The following DNAH3 variants were observed in gnomAD, a reference collection of about 807,000 sequenced individuals.
The protein encoded by DNAH3 is axonemal beta dynein heavy chain 3.
DNAH3 carries 332 observed loss-of-function variants against 432.5 expected under a neutral mutation model. That is an observed-to-expected ratio of 0.77 (90% CI 0.70 to 0.84). The LOEUF is 0.84. Ranked by LOEUF, DNAH3 falls within the 40% of genes least tolerant of loss-of-function variation. DNAH3 has a pLI of 0.00. For synonymous variants in DNAH3, 1,956 were observed against 1,900.2 expected (o/e 1.03, Z -0.76); for missense variants, 4,861 against 5,114.0 (o/e 0.95, Z 1.51).
At chr16:20,973,491 G>T (rs2085438655) in intron 51 of DNAH3, among the ~76,000 whole-genome samples, 1 of 152,104 alleles carries the variant, frequency 6.6e-6, no homozygotes, top group Non-Finnish European at 1.5e-5. Flanking sequence ...GACCTCAAGT[G>T]ATCTGCCCAC....
At chr16:20,942,983 C>T (rs1486064202) in intron 58 of DNAH3, among the ~76,000 whole-genome samples, 1 of 152,030 alleles carries the variant, frequency 6.6e-6, no homozygotes, top group Non-Finnish European at 1.5e-5. Flanking sequence ...ATCACAGCCT[C>T]GTGATCACAG....
At chr16:21,127,150 C>T (rs868574165) in intron 8 of DNAH3, among the ~76,000 whole-genome samples, 1 of 151,650 alleles carries the variant, frequency 6.6e-6, no homozygotes, top group Non-Finnish European at 1.5e-5. Context: ...CTAAAGGATT[C>T]GAGGAGGAGG....
chr16:21,039,996 G>C, intron 32 of DNAH3, 53 bp from the exon 33 acceptor site: 1 of 1,407,580 alleles, frequency 7.1e-7, no homozygotes, highest in Non-Finnish European at 1.0e-6. Context: ...AATACTGAGG[G>C]AACGCACATT....
At chr16:21,057,465 A>G (rs1376924367) in intron 27 of DNAH3, among the ~76,000 whole-genome samples, 2 of 152,170 alleles carry the variant, frequency 1.3e-5, no homozygotes, top group East Asian at 3.8e-4. Flanking sequence ...GTGTTGTGAC[A>G]ATTCCTTGCA....
chr16:21,132,924 A>G (rs2092587996), intron 7 of DNAH3, among the ~76,000 whole-genome samples: 1 of 152,044 alleles, frequency 6.6e-6, no homozygotes, highest in South Asian at 2.1e-4. Context: ...AAGAATGAAA[A>G]AAGGTGGCTT....
At chr16:21,015,058 C>G (rs781315470) in intron 41 of DNAH3, among the ~76,000 whole-genome samples, 1 of 152,294 alleles carries the variant, frequency 6.6e-6, no homozygotes, top group Non-Finnish European at 1.5e-5. Flanking sequence ...CCAGCAATAG[C>G]ATGTCTATGT....
At chr16:21,041,763 C>T (rs970251052) in intron 32 of DNAH3, among the ~76,000 whole-genome samples, 2 of 152,186 alleles carry the variant, frequency 1.3e-5, no homozygotes, top group East Asian at 1.9e-4. Flanking sequence ...CTGCCTCCCA[C>T]ATTCAACTGA....
chr16:21,128,711 G>A (rs1460513751), intron 7 of DNAH3, among the ~76,000 whole-genome samples: 3 of 147,470 alleles, frequency 2.0e-5, no homozygotes, highest in East Asian at 4.0e-4. Flanking sequence ...AAAAATAGAC[G>A]CGCTGGGTGT....
rs72780851 is a variant in DNAH3 at position 21,076,519 on chromosome 16, C to T, written c.2970-958G>A. The stretch of plus-strand genomic sequence containing the variant: ...GCTCCTGCACTAGACCCCAGCAGAC[C>T]AGACCAAACCAAAATGGAGTCACTC... On this transcript the variant is annotated intron_variant, in intron 20 of 61. Coordinates refer to ENST00000261383, the Ensembl canonical transcript of DNAH3. 9.1e-3 allele frequency among the ~76,000 whole-genome samples: 1,387 copies of T among 152,224 alleles called. 9 individuals carry two copies. The highest frequency in any genetic ancestry group is 0.015 in the Non-Finnish European group (1,002 of 68,024).
At chr16:21,047,912 C>G (rs201609288) in intron 31 of DNAH3, among the ~76,000 whole-genome samples, 1 of 151,682 alleles carries the variant, frequency 6.6e-6, no homozygotes, top group African/African-American at 2.4e-5. Flanking sequence ...CCCTCAGCTG[C>G]AGGTCTGTTG....
intron 15 of DNAH3, among the ~76,000 whole-genome samples, chr16:21,106,093 T>C (rs2091938610): frequency 2.7e-5 from 4 of 150,778 alleles, no homozygotes; most frequent in Non-Finnish European, 5.9e-5. Context: ...GGCAGGAGAA[T>C]TGCTTGAACC....
At chr16:21,134,422 T>G in exon 7 of DNAH3, 5 of 1,614,158 alleles carry the variant, frequency 3.1e-6, no homozygotes, top group Non-Finnish European at 4.2e-6. Context: ...AAGAGCCGTT[T>G]TCTCTCCATT....
intron 21 of DNAH3, among the ~76,000 whole-genome samples, chr16:21,072,840 TTAC>T (rs769200745): frequency 1.6e-4 from 22 of 134,536 alleles, no homozygotes; most frequent in African/African-American, 4.5e-4. Context: ...ATTATTATTA[TTAC>T]TATTATTATT....
chr16:20,974,810 G>T (rs142394943), intron 51 of DNAH3, among the ~76,000 whole-genome samples: 1 of 150,510 alleles, frequency 6.6e-6, no homozygotes, highest in East Asian at 2.0e-4. Flanking sequence ...TGGGAGAGTC[G>T]CCTACCCCTT....
intron 1 of DNAH3, among the ~76,000 whole-genome samples, chr16:21,155,938 AAC>A (rs1160787089): frequency 6.6e-6 from 1 of 152,154 alleles, no homozygotes; most frequent in Non-Finnish European, 1.5e-5. Context: ...TAAGCAGAGC[AAC>A]AGTTTCAATC....
At chr16:21,098,573 A>AT (rs750701284) in intron 17 of DNAH3, 43 bp downstream of exon 17, 1 of 1,559,044 alleles carries the variant, frequency 6.4e-7, no homozygotes, top group Admixed American at 2.0e-5. Flanking sequence ...CAGAACCAAT[A>AT]GACCAGTACA....
chr16:20,943,749 C>G (rs150270822), intron 58 of DNAH3, among the ~76,000 whole-genome samples: 2 of 152,052 alleles, frequency 1.3e-5, no homozygotes, highest in Non-Finnish European at 2.9e-5. Context: ...TGGAAGCCAA[C>G]GCAAGCAGAT....
intron 21 of DNAH3, among the ~76,000 whole-genome samples, chr16:21,074,648 A>G (rs2090910982): frequency 6.6e-6 from 1 of 152,124 alleles, no homozygotes; most frequent in Non-Finnish European, 1.5e-5. Flanking sequence ...TGGGAGGCAG[A>G]GGTTGCAGTG....
intron 16 of DNAH3, among the ~76,000 whole-genome samples, chr16:21,102,874 ATTC>A (rs2091867839): frequency 6.9e-6 from 1 of 145,124 alleles, no homozygotes; most frequent in African/African-American, 2.6e-5. Context: ...GAAGACTATT[ATTC>A]TTTTTTTTTT....
Sources: gnomAD v4.1 joint callset for allele counts (sites outside exome capture counted in the v4.1 genomes callset) on GRCh38, gnomAD v4.1.1 for gene constraint, MANE v1.5 for transcripts, NCBI Gene and HGNC (gene_info 2026-07-23, HGNC 2026-07-21) for gene names.